The following ACVR1 variants were observed in gnomAD, a reference collection of about 807,000 sequenced individuals.
ACVR1 encodes activin receptor type-1.
ACVR1 carries 38 observed loss-of-function variants against 57.1 expected under a neutral mutation model. The ratio of observed to expected loss-of-function variants is 0.67; its 90% CI spans 0.51 to 0.87. The LOEUF is 0.87. Ranked by LOEUF, ACVR1 falls within the 40% of genes least tolerant of loss-of-function variation. ACVR1 has a pLI of 0.00. For synonymous variants in ACVR1, 212 were observed against 228.1 expected (o/e 0.93, Z 0.63); for missense variants, 463 against 638.2 (o/e 0.73, Z 2.96).
chr2:157,807,753 C>T (rs1687602416), intron 2 of ACVR1, among the ~76,000 whole-genome samples: 1 of 150,708 alleles, frequency 6.6e-6, no homozygotes, highest in African/African-American at 2.4e-5. Flanking sequence ...CCTAACAGTG[C>T]AGACCTTTCT....
intron 1 of ACVR1, among the ~76,000 whole-genome samples, chr2:157,849,461 A>T (rs566209241): frequency 1.1e-4 from 17 of 152,236 alleles, no homozygotes; most frequent in Admixed American, 3.3e-4. Context: ...GAAGTATAGT[A>T]GTATATATCA....
intron 9 of ACVR1, among the ~76,000 whole-genome samples, chr2:157,747,206 A>C (rs765156991): frequency 1.8e-4 from 27 of 152,226 alleles, no homozygotes; most frequent in Non-Finnish European, 3.4e-4. Context: ...TAAAGCTGCT[A>C]AGAAAATGAA....
At chr2:157,868,484 CAA>C (rs11287777) in intron 1 of ACVR1, among the ~76,000 whole-genome samples, 9,831 of 139,894 alleles carry the variant, frequency 0.07, 455 homozygotes, top group African/African-American at 0.14. Flanking sequence ...GACTCCATCT[CAA>C]AAAAAAAAAA....
intron 1 of ACVR1, among the ~76,000 whole-genome samples, chr2:157,835,778 T>A (rs915836685): frequency 1.3e-5 from 2 of 152,216 alleles, no homozygotes; most frequent in African/African-American, 4.8e-5. Context: ...CAGTAGGGTT[T>A]ACTGACAGAA....
chr2:157,845,339 G>C (rs1689097113), intron 1 of ACVR1, among the ~76,000 whole-genome samples: 1 of 152,274 alleles, frequency 6.6e-6, no homozygotes, highest in East Asian at 1.9e-4. Context: ...GATTCTGTAG[G>C]TGGTACTTAA....
At position 157,752,694 on chromosome 2, in the gene ACVR1, G is replaced by T. The variant is rs186388589; in HGVS notation, c.1264+8186C>A. Among the ~76,000 whole-genome samples the T allele has an allele frequency of 1.3e-4, 20 of 152,262 alleles. 1 individual carries two copies. The highest frequency in any genetic ancestry group is 8.5e-4 in the Admixed American group (13 of 15,290). Reference sequence around the variant, plus strand: ...CCAAGAATTTTGTATCCCTTGAAACGAAGATTGATAAATGAAGGAAAGATT... The same window carrying T: ...CCAAGAATTTTGTATCCCTTGAAACTAAGATTGATAAATGAAGGAAAGATT... On this transcript the variant is annotated intron_variant, in intron 9 of 10. Transcript: ENST00000434821.
intron 1 of ACVR1, among the ~76,000 whole-genome samples, chr2:157,833,820 C>T (rs529863214): frequency 4.6e-5 from 7 of 152,136 alleles, no homozygotes; most frequent in African/African-American, 7.2e-5. Context: ...ATTTTGAATG[C>T]GTTAAGTATT....
intron 1 of ACVR1, among the ~76,000 whole-genome samples, chr2:157,869,524 T>A (rs1052067105): frequency 6.6e-5 from 10 of 152,250 alleles, no homozygotes; most frequent in African/African-American, 2.2e-4. Context: ...AAAAGCATTA[T>A]AATATTTTTG....
chr2:157,866,706 T>C (rs1397725143), intron 1 of ACVR1, among the ~76,000 whole-genome samples: 1 of 152,338 alleles, frequency 6.6e-6, no homozygotes, highest in Non-Finnish European at 1.5e-5. Context: ...ATGTCTGCCT[T>C]TGATTCTATG....
intron 1 of ACVR1, among the ~76,000 whole-genome samples, chr2:157,832,261 A>G (rs771097056): frequency 6.6e-6 from 1 of 152,204 alleles, no homozygotes; most frequent in Non-Finnish European, 1.5e-5. Flanking sequence ...AATCACCGCC[A>G]ACTTCAGACT....
intron 9 of ACVR1, among the ~76,000 whole-genome samples, chr2:157,747,046 T>C (rs1684993678): frequency 6.6e-6 from 1 of 152,326 alleles, no homozygotes; most frequent in South Asian, 2.1e-4. Context: ...CCAAGAGATC[T>C]ATCTGGTCAT....
intron 9 of ACVR1, among the ~76,000 whole-genome samples, chr2:157,750,332 G>A (rs1272954619): frequency 6.6e-6 from 1 of 152,190 alleles, no homozygotes; most frequent in African/African-American, 2.4e-5. Flanking sequence ...CGATTCCATT[G>A]GTGCTCACAT....
intron 1 of ACVR1, among the ~76,000 whole-genome samples, chr2:157,829,266 ATCTT>A (rs1688502011): frequency 6.6e-6 from 1 of 152,144 alleles, no homozygotes; most frequent in Non-Finnish European, 1.5e-5. Context: ...AAATCTACTA[ATCTT>A]TCTTTATGTC....
At chr2:157,816,603 GTAATAATAA>G (rs35068721) in intron 2 of ACVR1, among the ~76,000 whole-genome samples, 8 of 150,370 alleles carry the variant, frequency 5.3e-5, no homozygotes, top group Non-Finnish European at 1.5e-5. Context: ...CCTCAAAATA[GTAATAATAA>G]TAATAATAAT....
rs1448698646 is a variant in ACVR1, at chr2:157,765,800, T to C, written c.1066+121A>G. ...TGGGTATAAAGGTGTTCATTGTAAA[T>C]GTTCAACTTTTCTGCATGTTTGAAA... On this transcript the variant is annotated intron_variant, in intron 8 of 10. Coordinates refer to ENST00000434821, the MANE Select transcript of ACVR1 (RefSeq NM_001111067.4). 7.3e-6 allele frequency: 7 copies of C among 954,060 alleles called. No homozygotes were observed. The East Asian group carries it at 1.0e-4, about 14-fold the overall frequency. The allele number at this position is 954,060 out of a possible 1,614,324, so 59.1% of individuals were successfully genotyped here.
intron 9 of ACVR1, among the ~76,000 whole-genome samples, chr2:157,749,248 T>A (rs1377925892): frequency 6.6e-6 from 1 of 152,216 alleles, no homozygotes. Flanking sequence ...TTCAACAGTA[T>A]ATTTGTGGCT....
intron 2 of ACVR1, among the ~76,000 whole-genome samples, chr2:157,805,780 TTTTG>T (rs1028957396): frequency 2.0e-5 from 3 of 151,692 alleles, no homozygotes; most frequent in Admixed American, 6.6e-5. Context: ...CTTAACAGTT[TTTTG>T]TTTGTTTGTT....
chr2:157,765,884 A>C (rs765142671), intron 8 of ACVR1, 37 bp downstream of exon 8: 1 of 1,609,504 alleles, frequency 6.2e-7, no homozygotes, highest in Admixed American at 1.7e-5. Flanking sequence ...AAACAAAAAT[A>C]AAACTGGTGA....
intron 3 of ACVR1, among the ~76,000 whole-genome samples, chr2:157,786,114 T>C (rs1324426756): frequency 6.6e-6 from 1 of 152,234 alleles, no homozygotes; most frequent in Non-Finnish European, 1.5e-5. Context: ...AGTGCCTTTC[T>C]ACTGTGCAGA....
Sources: allele counts gnomAD v4.1 joint callset (sites outside exome capture counted in the v4.1 genomes callset), GRCh38; gene constraint gnomAD v4.1.1; transcripts MANE v1.5; gene names NCBI Gene and HGNC (gene_info 2026-07-23, HGNC 2026-07-21).